Variants in ASIC2 observed in about 807,000 individuals in gnomAD.
The protein encoded by ASIC2 is acid-sensing ion channel 2.
Under a neutral mutation model 57.3 loss-of-function variants are expected in ASIC2, and 25 were observed. The ratio of observed to expected loss-of-function variants is 0.44; its 90% CI spans 0.32 to 0.61. The LOEUF (loss-of-function observed/expected upper bound fraction) is 0.61. Ranked by LOEUF, ASIC2 falls within the 20% of genes least tolerant of loss-of-function variation. ASIC2 has a pLI of 0.06. For synonymous variants in ASIC2, 319 were observed against 307.5 expected, an observed-to-expected ratio of 1.04 and a Z score of -0.39; for missense variants, 641 against 738.1, an observed-to-expected ratio of 0.87 and a Z score of 1.52.
intron 3 of ASIC2, among the ~76,000 whole-genome samples, chr17:33,078,871 A>G (rs914858126): frequency 1.3e-5 from 2 of 152,234 alleles, no homozygotes; most frequent in Non-Finnish European, 2.9e-5. Context: ...GTAGGTGATC[A>G]ATAAATGTCA....
intron 1 of ASIC2, among the ~76,000 whole-genome samples, chr17:33,324,436 A>G (rs1202888158): frequency 2.0e-5 from 3 of 151,774 alleles, no homozygotes; most frequent in South Asian, 4.2e-4. Context: ...TTCACTCCTA[A>G]CCCCATTTAT....
intron 1 of ASIC2, among the ~76,000 whole-genome samples, chr17:33,598,499 T>C (rs981839604): frequency 7.2e-5 from 11 of 152,226 alleles, no homozygotes; most frequent in Admixed American, 7.2e-4. Flanking sequence ...TGAAGGGTGG[T>C]GTTTCTTCAG....
chr17:33,054,026 C>A lies in ASIC2; in HGVS notation c.988-25634G>T, dbSNP rs543171912. Among the ~76,000 whole-genome samples, 5 of 152,218 alleles carry A rather than the reference C, an allele frequency of 3.3e-5. No homozygotes were observed. The South Asian group carries it at 1.0e-3, about 32-fold the overall frequency. ...CACCACAATGCCGCACCTACCTTTG[C>A]TCTCCTGTATCCCTGCCAGGATTGT... On this transcript the variant is annotated intron_variant, in intron 3 of 9. Coordinates refer to ENST00000225823, the MANE Select transcript of ASIC2 (RefSeq NM_183377.2).
rs1004272380 is a variant in ASIC2 at position 34,041,758 on chromosome 17, G to A, written c.555+114220C>T. Among the ~76,000 whole-genome samples, 4 of 152,334 alleles carry A rather than the reference G, an allele frequency of 2.6e-5. No individual in the cohort carries two copies. In the East Asian group the frequency reaches 7.7e-4, roughly 29 times the overall value. On this transcript the variant is annotated intron_variant, in intron 1 of 9. Coordinates refer to the ASIC2 transcript ENST00000359872. The stretch of plus-strand genomic sequence containing the variant: ...TAATGCTTGTTATCGCTTTCTAGAA[G>A]CTTAGAATTTAGTTGGGATTCAGGA...
chr17:33,145,264 G>C (rs1376149599), intron 1 of ASIC2, among the ~76,000 whole-genome samples: 1 of 152,172 alleles, frequency 6.6e-6, no homozygotes, highest in South Asian at 2.1e-4. Context: ...TGGCATCAGG[G>C]GACATTGATG....
rs562840119 is a variant in ASIC2, at chr17:34,039,378, C to G, written c.555+116600G>C. On this transcript the variant is annotated intron_variant, in intron 1 of 9. Coordinates refer to the ASIC2 transcript ENST00000359872. ...TGAAGCAGAGGCCAGCTCCCCTTTG[C>G]GCCAGCTGCTCTGTGTCAAGCCGAG... 3 of 1,613,930 alleles carry G rather than the reference C, an allele frequency of 1.9e-6. No homozygotes were observed. In the African/African-American group the frequency reaches 4.0e-5, roughly 22 times the overall value.
intron 1 of ASIC2, among the ~76,000 whole-genome samples, chr17:33,578,672 C>A (rs191215982): frequency 8.0e-4 from 121 of 152,142 alleles, no homozygotes; most frequent in Non-Finnish European, 1.5e-3. Flanking sequence ...TTACTTCACT[C>A]CCCCCTCCTC....
chr17:33,643,329 A>G (rs551325028), intron 1 of ASIC2, among the ~76,000 whole-genome samples: 5 of 152,362 alleles, frequency 3.3e-5, no homozygotes, highest in African/African-American at 1.2e-4. Flanking sequence ...TACTTTTTAT[A>G]AAAACTATCT....
intron 1 of ASIC2, among the ~76,000 whole-genome samples, chr17:33,162,189 A>G (rs1905182359): frequency 6.6e-6 from 1 of 151,930 alleles, no homozygotes; most frequent in Non-Finnish European, 1.5e-5. Context: ...ATGAGCCTCC[A>G]CCCCATGCCT....
intron 1 of ASIC2, among the ~76,000 whole-genome samples, chr17:33,854,736 G>A (rs183198123): frequency 6.6e-6 from 1 of 152,236 alleles, no homozygotes; most frequent in Admixed American, 6.5e-5. Context: ...GCACAGCTGA[G>A]TCAGCTGGGG....
intron 1 of ASIC2, among the ~76,000 whole-genome samples, chr17:33,607,399 C>T (rs917286503): frequency 6.6e-6 from 1 of 152,134 alleles, no homozygotes; most frequent in African/African-American, 2.4e-5. Flanking sequence ...ACTCTGGATG[C>T]AACCCCAGTG....
At chr17:34,004,248 C>T (rs1272493531) in intron 1 of ASIC2, 5 of 152,274 alleles carry the variant, frequency 3.3e-5, no homozygotes, top group Non-Finnish European at 4.4e-5. Context: ...TCATTTTGGT[C>T]ACCAGCTTTG....
chr17:33,205,189 G>A (rs1392743747), intron 1 of ASIC2, among the ~76,000 whole-genome samples: 2 of 152,116 alleles, frequency 1.3e-5, no homozygotes, highest in Non-Finnish European at 2.9e-5. Flanking sequence ...AGAGAGCCTG[G>A]CCCCACAGGC....
At chr17:33,716,058 C>G (rs1909209890) in intron 1 of ASIC2, among the ~76,000 whole-genome samples, 1 of 152,162 alleles carries the variant, frequency 6.6e-6, no homozygotes, top group African/African-American at 2.4e-5. Context: ...ACCCAATCTC[C>G]CTTCTCAACA....
chr17:33,689,834 T>C (rs1908312115), intron 1 of ASIC2, among the ~76,000 whole-genome samples: 1 of 152,146 alleles, frequency 6.6e-6, no homozygotes, highest in Non-Finnish European at 1.5e-5. Context: ...TGTGATAGAA[T>C]TGGAGTGAGG....
chr17:33,389,595 A>G (rs1166651296), intron 1 of ASIC2, among the ~76,000 whole-genome samples: 1 of 152,224 alleles, frequency 6.6e-6, no homozygotes, highest in Non-Finnish European at 1.5e-5. Context: ...GAGGCTGGGT[A>G]GGAAATTAAT....
chr17:33,023,227 C>T (rs890953961), intron 6 of ASIC2, among the ~76,000 whole-genome samples: 1 of 152,192 alleles, frequency 6.6e-6, no homozygotes, highest in Admixed American at 6.5e-5. Context: ...GTGGCTCACA[C>T]CTGTAATCCC....
intron 1 of ASIC2, among the ~76,000 whole-genome samples, chr17:33,567,026 T>C (rs556910262): frequency 6.6e-6 from 1 of 152,214 alleles, no homozygotes; most frequent in Non-Finnish European, 1.5e-5. Flanking sequence ...CAAGTAGATA[T>C]GAGTATTCCT....
chr17:33,363,927 C>T (rs529688332), intron 1 of ASIC2, among the ~76,000 whole-genome samples: 42 of 152,310 alleles, frequency 2.8e-4, no homozygotes, highest in African/African-American at 9.6e-4. Context: ...GCCAGCCTCC[C>T]GGAGACAGTC....
Sources: allele counts gnomAD v4.1 joint callset (sites outside exome capture counted in the v4.1 genomes callset), GRCh38; gene constraint gnomAD v4.1.1; transcripts MANE v1.5; gene names NCBI Gene and HGNC (gene_info 2026-07-23, HGNC 2026-07-21).